Variants in PHF3 observed in about 807,000 individuals in gnomAD.
PHF3 encodes PHD finger protein 3.
PHF3 carries 41 observed loss-of-function variants against 178.4 expected under a neutral mutation model. The observed-to-expected ratio is 0.23, with a 90% confidence interval of 0.18 to 0.30. The LOEUF (loss-of-function observed/expected upper bound fraction) is 0.30, where lower values mean the gene tolerates loss of function less well. Among genes scored for constraint, PHF3 ranks in the 10% least tolerant of loss-of-function variants. PHF3 has a pLI of 1.00. For missense variants in PHF3, 2,346 were observed against 2,398.1 expected (o/e 0.98, Z 0.45); for synonymous variants, 842 against 800.5 (o/e 1.05, Z -0.88).
Position 63,684,353 on chromosome 6 carries a change from C to G in PHF3, c.631C>G (p.Pro211Ala). The G allele has an allele frequency of 6.2e-7, 1 of 1,613,786 alleles. No individual in the cohort carries two copies. The highest frequency in any genetic ancestry group is 1.1e-5 in the South Asian group (1 of 91,070). Residue 211 changes from proline to alanine, a missense_variant, in exon 4 of 16, where the codon CCT becomes GCT. Pro to Ala is a conservative substitution (Grantham distance 27, BLOSUM62 -1). This residue lies in a region of PHF3 where 843 missense variants were observed against 795.2 expected (regional missense o/e 1.06). Transcript: ENST00000262043. The stretch of plus-strand genomic sequence containing the variant: ...AAATAGCGGACAAATTGAAGTGGTA[C>G]CTGAAGTATCAGTGTCTTCAAGTCA... ...SRNSGQIEVVPEVSVSSSHSS... is the reference protein window; with the variant it reads ...SRNSGQIEVVAEVSVSSSHSS...
At chr6:63,703,778 G>A in intron 11 of PHF3, 107 bp downstream of exon 11, 1 of 1,041,372 alleles carries the variant, frequency 9.6e-7, no homozygotes, top group Non-Finnish European at 1.4e-6. Flanking sequence ...AATATTGGTG[G>A]TGAGGCACTC....
Position 63,721,018 on chromosome 6 carries a change from C to G in PHF3, c.*7310C>G, listed in dbSNP as rs1768361715. On this transcript the variant is annotated 3_prime_UTR_variant, in exon 16 of 16. Coordinates refer to ENST00000262043, the MANE Select transcript of PHF3 (RefSeq NM_001370348.2). ...AGACCAATTGCCAGAAAATCATTTT[C>G]TTCATTTTGAGCTATTCCCATCCAT... is the stretch of plus-strand genomic sequence containing the variant. 1 of 1,551,134 alleles carries G rather than the reference C, an allele frequency of 6.4e-7. No homozygotes were observed. Among genetic ancestry groups the G allele is most frequent in the Non-Finnish European group, 8.7e-7 (1 of 1,146,762 alleles).
Position 63,709,142 on chromosome 6 carries a change from T to TA in PHF3, c.3712-7dup, listed in dbSNP as rs768181259. 2 of 1,433,354 alleles carry TA rather than the reference T, an allele frequency of 1.4e-6. No individual in the cohort carries two copies. The highest frequency in any genetic ancestry group is 1.9e-6 in the Non-Finnish European group (2 of 1,052,026). The allele number at this position is 1,433,354 out of a possible 1,614,324, so 88.8% of individuals were successfully genotyped here. On this transcript the variant is annotated splice_polypyrimidine_tract_variant and intron_variant, in intron 13 of 15. Transcript: ENST00000262043. ...TATATTGATCTCTTTTTTTTTTTTT[T>TA]AACCATAGGACCTACCAGATAGTAT...
rs1388259553 is a variant in PHF3 at position 63,722,289 on chromosome 6, C to T, written c.*8581C>T. 6.6e-6 allele frequency among the ~76,000 whole-genome samples: 1 copy of T among 152,036 alleles called. No homozygotes were observed. The highest frequency in any genetic ancestry group is 2.4e-5 in the African/African-American group (1 of 41,384). The stretch of plus-strand genomic sequence containing the variant: ...ATTCGCCTGTTTTCTAGGAACACTC[C>T]GCCACCCCATTCCACCTCAACTAGA... On this transcript the variant is annotated 3_prime_UTR_variant, in exon 16 of 16. Coordinates refer to ENST00000262043, the MANE Select transcript of PHF3 (RefSeq NM_001370348.2).
Position 63,713,457 on chromosome 6 carries a change from A to G in PHF3, c.5869A>G (p.Arg1957Gly), listed in dbSNP as rs981759249. The G allele has an allele frequency of 1.9e-6, 3 of 1,613,932 alleles. No homozygotes were observed. Among genetic ancestry groups the G allele is most frequent in the Non-Finnish European group, 2.5e-6 (3 of 1,179,928 alleles). Residue 1957 changes from arginine (R) to glycine (G), a missense_variant, in exon 16 of 16, where the codon AGA becomes GGA. Coordinates refer to ENST00000262043, the MANE Select transcript of PHF3 (RefSeq NM_001370348.2). ...RRRDRSQDKDRDRKSREEGHK... is the reference protein window; with the variant it reads ...RRRDRSQDKDGDRKSREEGHK... ...CAGAGACAGAAGCCAAGACAAGGACAGAGACAGAAAAAGCAGGGAGGAAGG... is the reference window on the plus strand; with the variant it reads ...CAGAGACAGAAGCCAAGACAAGGACGGAGACAGAAAAAGCAGGGAGGAAGG...
rs1220882288 is a variant in PHF3, at chr6:63,713,040, C to T, written c.5452C>T (p.Pro1818Ser). The T allele has an allele frequency of 6.2e-7, 1 of 1,613,988 alleles. No individual in the cohort carries two copies. The highest frequency in any genetic ancestry group is 1.3e-5 in the African/African-American group (1 of 74,996). Residue 1818 changes from proline (P) to serine (S), a missense_variant, in exon 16 of 16, where the codon CCA (proline) becomes TCA (serine). Transcript: ENST00000262043. ...GTCTAGCCCACCTGGATTTCCATTT[C>T]CAGGGCCTCCTAATTTTCCCCCACA... The part of the protein sequence containing the change: ...LKSSPPGFPF[P>S]GPPNFPPQSM...
At chr6:63,680,312 G>A (rs1766376272) in intron 3 of PHF3, 151 bp downstream of exon 3, 2 of 568,860 alleles carry the variant, frequency 3.5e-6, no homozygotes, top group Non-Finnish European at 2.8e-6. Context: ...ATATCAATTT[G>A]TTGTATAAGT....
rs754478299 is a variant in PHF3 at position 63,713,091 on chromosome 6, T to A, written c.5503T>A (p.Leu1835Met). The change falls in exon 16 of 16, where the codon TTG becomes ATG. Residue 1835 changes from leucine (L) to methionine (M), a missense_variant. Leu to Met is a conservative substitution (Grantham distance 15). Transcript: ENST00000262043. The part of the protein sequence containing the change: ...PQSMFGFPPH[L>M]PPPLLPPPGF... Reference sequence around the variant, plus strand: ...AAGCATGTTTGGATTTCCACCACATTTGCCACCTCCATTACTTCCCCCTCC... The same window carrying A: ...AAGCATGTTTGGATTTCCACCACATATGCCACCTCCATTACTTCCCCCTCC... The A allele has an allele frequency of 1.2e-6, 2 of 1,613,978 alleles. No individual in the cohort carries two copies. Among genetic ancestry groups the A allele is most frequent in the South Asian group, 2.2e-5 (2 of 91,068 alleles).
chr6:63,658,011 A>G (rs1171836248), intron 2 of PHF3, among the ~76,000 whole-genome samples: 2 of 152,190 alleles, frequency 1.3e-5, no homozygotes, highest in Non-Finnish European at 2.9e-5. Flanking sequence ...ATTTAAGTTC[A>G]GGGTTAAGAA....
chr6:63,711,689 T>C lies in PHF3; in HGVS notation c.4101T>C (p.Thr1367=), dbSNP rs1347892758. The C allele has an allele frequency of 6.2e-7, 1 of 1,613,912 alleles. No individual in the cohort carries two copies. Among genetic ancestry groups the C allele is most frequent in the Admixed American group, 1.7e-5 (1 of 59,970 alleles). The change falls in exon 16 of 16, where the codon ACT becomes ACC. Residue 1367 remains threonine (T), a synonymous_variant. Coordinates refer to ENST00000262043, the MANE Select transcript of PHF3 (RefSeq NM_001370348.2). ...ACASTSHIAE[T]PESAPPIALP... ...CTAGTACTAGTCATATAGCTGAGAC[T>C]CCTGAAAGTGCACCACCAATAGCAT...
chr6:63,658,519 TA>T (rs2149552772), intron 2 of PHF3, among the ~76,000 whole-genome samples: 1 of 152,294 alleles, frequency 6.6e-6, no homozygotes, highest in African/African-American at 2.4e-5. Flanking sequence ...CAGTAATTTT[TA>T]CTTAGGGATT....
intron 9 of PHF3, 126 bp downstream of exon 9, chr6:63,700,592 C>CTT (rs952374946): frequency 3.2e-5 from 16 of 500,412 alleles, no homozygotes; most frequent in East Asian, 6.9e-5. Flanking sequence ...TTACATGCTT[C>CTT]TTTTTTTTTT....
At chr6:63,683,202 TTAA>T in intron 3 of PHF3, among the ~76,000 whole-genome samples, 1 of 151,976 alleles carries the variant, frequency 6.6e-6, no homozygotes, top group Non-Finnish European at 1.5e-5. Flanking sequence ...AAGTGTGCTA[TTAA>T]TACTAGATCA....
intron 14 of PHF3, among the ~76,000 whole-genome samples, chr6:63,710,629 T>C (rs1767885827): frequency 1.3e-5 from 2 of 152,170 alleles, no homozygotes; most frequent in Admixed American, 1.3e-4. Flanking sequence ...AAATTTACGG[T>C]CTATATGTAT....
At chr6:63,640,458 C>CA (rs1764525263) in intron 1 of PHF3, among the ~76,000 whole-genome samples, 1 of 152,140 alleles carries the variant, frequency 6.6e-6, no homozygotes, top group Admixed American at 6.5e-5. Flanking sequence ...TAGTACCTGC[C>CA]TAATGGTTTG....
intron 2 of PHF3, among the ~76,000 whole-genome samples, chr6:63,650,227 C>A (rs1764964745): frequency 6.6e-6 from 1 of 152,188 alleles, no homozygotes; most frequent in Non-Finnish European, 1.5e-5. Context: ...TAGGTTACTA[C>A]TTGCAGCTAC....
intron 10 of PHF3, among the ~76,000 whole-genome samples, chr6:63,702,991 C>T (rs1435771769): frequency 6.6e-6 from 1 of 152,218 alleles, no homozygotes; most frequent in Non-Finnish European, 1.5e-5. Flanking sequence ...GATGCTGCCA[C>T]CTCAGCCTCC....
intron 2 of PHF3, among the ~76,000 whole-genome samples, chr6:63,649,107 T>TTTA (rs1283762276): frequency 6.6e-6 from 1 of 151,580 alleles, no homozygotes; most frequent in Non-Finnish European, 1.5e-5. Context: ...TATTTATTTA[T>TTTA]TTATTCATTT....
intron 2 of PHF3, among the ~76,000 whole-genome samples, chr6:63,655,939 G>A (rs375723764): frequency 6.6e-6 from 1 of 152,098 alleles, no homozygotes; most frequent in Non-Finnish European, 1.5e-5. Context: ...CACTGTGCCC[G>A]GCCCTGCTTT....
Sources: gnomAD v4.1 joint callset for allele counts (sites outside exome capture counted in the v4.1 genomes callset) on GRCh38, gnomAD v4.1.1 for gene constraint, gnomAD v4.1.1 regional missense constraint, MANE v1.5 for transcripts, NCBI Gene and HGNC (gene_info 2026-07-23, HGNC 2026-07-21) for gene names.